Variants in GIMAP5 observed in about 807,000 individuals in gnomAD.
GIMAP5 encodes GTPase IMAP family member 5.
In GIMAP5, 8 loss-of-function variants were observed where a neutral mutation model predicts 9.9. The ratio of observed to expected loss-of-function variants is 0.81; its 90% confidence interval spans 0.47 to 1.45. The LOEUF (loss-of-function observed/expected upper bound fraction) is 1.45. Ranked by LOEUF, GIMAP5 falls within the 40% of genes most tolerant of loss-of-function variation. The pLI, the probability that GIMAP5 is intolerant of heterozygous loss-of-function variation, is 0.00. For missense variants in GIMAP5, 353 were observed against 367.4 expected, an observed-to-expected ratio of 0.96 and a Z score of 0.32; for synonymous variants, 174 against 151.4, an observed-to-expected ratio of 1.15 and a Z score of -1.09.
intron 1 of GIMAP5, chr7:150,739,203 G>T (rs1225510568): frequency 1.3e-5 from 2 of 152,226 alleles, no homozygotes; most frequent in Non-Finnish European, 2.9e-5. Flanking sequence ...TGACCAGGGA[G>T]TGGCAGCATT....
In GIMAP5 at chr7:150,743,009, G is replaced by T; in HGVS notation, c.870G>T (p.Leu290Phe). 6.2e-7 allele frequency: 1 copy of T among 1,613,434 alleles called. No individual in the cohort carries two copies. Among genetic ancestry groups the T allele is most frequent in the Non-Finnish European group, 8.5e-7 (1 of 1,179,478 alleles). The change falls in exon 3 of 3, where the codon TTG becomes TTT. Residue 290 changes from leucine to phenylalanine, a missense_variant. Transcript: ENST00000358647. ...ATTATGAGATTTTTGTTTTTCTATT[G>T]TTGTGCAGCATACTTTTTTTCATTA... ...LLHYEIFVFL[L>F]LCSILFFIIF...
chr7:150,737,567 C>T lies in GIMAP5; in HGVS notation c.-148C>T. On this transcript the variant is annotated 5_prime_UTR_variant, in exon 1 of 3. Coordinates refer to ENST00000358647, the MANE Select transcript of GIMAP5 (RefSeq NM_018384.5). ...TCCTTAACTGCGTCTGCTCAACCTCCCTCAGCCCTGTGAACAGCATCCCCG... is the reference window on the plus strand; with the variant it reads ...TCCTTAACTGCGTCTGCTCAACCTCTCTCAGCCCTGTGAACAGCATCCCCG... 1 of 1,535,710 alleles carries T rather than the reference C, an allele frequency of 6.5e-7. No individual in the cohort carries two copies. The highest frequency in any genetic ancestry group is 8.7e-7 in the Non-Finnish European group (1 of 1,146,904).
At chr7:150,737,885 G>A in intron 1 of GIMAP5, 177 bp downstream of exon 1, 1 of 612,560 alleles carries the variant, frequency 1.6e-6, no homozygotes, top group Non-Finnish European at 2.9e-6. Flanking sequence ...TGCACAGCTG[G>A]TGGAGCACAG....
chr7:150,742,390 C>T lies in GIMAP5; in HGVS notation c.251C>T (p.Pro84Leu), dbSNP rs1466308636. ...NGRKVLVVDTPSIFESQADTQ... is the reference protein window; with the variant it reads ...NGRKVLVVDTLSIFESQADTQ... ...AGGAAAGTCCTGGTGGTTGACACGC[C>T]CTCCATCTTTGAGTCACAGGCCGAT... Residue 84 changes from proline to leucine, a missense_variant, in exon 3 of 3, where the codon CCC becomes CTC. Physicochemically the swap from Pro to Leu is moderately conservative, Grantham distance 98. Coordinates refer to ENST00000358647, the MANE Select transcript of GIMAP5 (RefSeq NM_018384.5). 2 of 1,614,058 alleles carry T rather than the reference C, an allele frequency of 1.2e-6. No individual in the cohort carries two copies. The highest frequency in any genetic ancestry group is 8.5e-7 in the Non-Finnish European group (1 of 1,179,990).
Position 150,742,573 on chromosome 7 carries a change from ATG to A in GIMAP5, c.437_438del (p.Val146GlyfsTer17). On this transcript the variant is annotated frameshift_variant, in exon 3 of 3. Coordinates refer to ENST00000358647, the MANE Select transcript of GIMAP5 (RefSeq NM_018384.5). LOFTEE classifies it low-confidence loss of function (END_TRUNC). The stretch of plus-strand genomic sequence containing the variant: ...GTCTTTGGGACAGGGGCCATGAGAC[ATG>A]TGGTCATCCTCTTCACCCACAAAGA... 6.2e-7 allele frequency: 1 copy of A among 1,614,204 alleles called. No homozygotes were observed. The highest frequency in any genetic ancestry group is 8.5e-7 in the Non-Finnish European group (1 of 1,180,020).
Position 150,742,753 on chromosome 7 carries a change from C to A in GIMAP5, c.614C>A (p.Ala205Asp), listed in dbSNP as rs552913796. The A allele has an allele frequency of 6.2e-7, 1 of 1,614,162 alleles. No homozygotes were observed. Among genetic ancestry groups the A allele is most frequent in the African/African-American group, 1.3e-5 (1 of 75,036 alleles). ...AGGCAGCAGCAGGCAGAGCTCCTGG[C>A]TGTGATTGAGAGGCTGGGGAGGGAG... ...EQRQQQAELL[A>D]VIERLGRERE... Residue 205 changes from alanine (A) to aspartate (D), a missense_variant, in exon 3 of 3, where the codon GCT becomes GAT. Ala to Asp is a moderately radical substitution (Grantham distance 126). Transcript: ENST00000358647.
chr7:150,742,558 C>A lies in GIMAP5; in HGVS notation c.419C>A (p.Thr140Lys), dbSNP rs765713700. ...AGGAAGGTGAAAGAGGTCTTTGGGA[C>A]AGGGGCCATGAGACATGTGGTCATC... ...AIRKVKEVFG[T>K]GAMRHVVILF... Residue 140 changes from threonine (T) to lysine (K), a missense_variant, in exon 3 of 3, where the codon ACA becomes AAA. By Grantham distance (78) the Thr-to-Lys change is moderately conservative. Coordinates refer to ENST00000358647, the MANE Select transcript of GIMAP5 (RefSeq NM_018384.5). The A allele has an allele frequency of 8.1e-6, 13 of 1,614,038 alleles. No homozygotes were observed. The highest frequency in any genetic ancestry group is 1.0e-5 in the Non-Finnish European group (12 of 1,180,040).
Position 150,742,778 on chromosome 7 carries a change from G to A in GIMAP5, c.639G>A (p.Glu213=). 2.5e-6 allele frequency: 4 copies of A among 1,614,152 alleles called. No homozygotes were observed. Among genetic ancestry groups the A allele is most frequent in the Non-Finnish European group, 3.4e-6 (4 of 1,180,032 alleles). The change falls in exon 3 of 3, where the codon GAG becomes GAA. Residue 213 remains glutamate (E), a synonymous_variant. Coordinates refer to ENST00000358647, the MANE Select transcript of GIMAP5 (RefSeq NM_018384.5). The stretch of plus-strand genomic sequence containing the variant: ...CTGTGATTGAGAGGCTGGGGAGGGA[G>A]CGAGAGGGCTCCTTCCACAGCAATG... The part of the protein sequence containing the change: ...LLAVIERLGR[E]REGSFHSNDL...
chr7:150,739,787 T>C (rs1797567968), intron 1 of GIMAP5: 1 of 152,096 alleles, frequency 6.6e-6, no homozygotes, highest in African/African-American at 2.4e-5. Context: ...GAAGCTGTCT[T>C]AATACATTCT....
In GIMAP5 at chr7:150,742,766, G is replaced by A. The variant is rs1478660961; in HGVS notation, c.627G>A (p.Arg209=). 2 of 1,614,170 alleles carry A rather than the reference G, an allele frequency of 1.2e-6. No individual in the cohort carries two copies. The highest frequency in any genetic ancestry group is 1.7e-6 in the Non-Finnish European group (2 of 1,180,034). The change falls in exon 3 of 3, where the codon AGG becomes AGA. Residue 209 remains arginine, a synonymous_variant. Coordinates refer to ENST00000358647, the MANE Select transcript of GIMAP5 (RefSeq NM_018384.5). ...QQAELLAVIE[R]LGREREGSFH... ...CAGAGCTCCTGGCTGTGATTGAGAG[G>A]CTGGGGAGGGAGCGAGAGGGCTCCT...
In GIMAP5 at chr7:150,737,444, G is replaced by C; in HGVS notation, c.-271G>C. ...ATCAGTTTCCAGCCAACACCAGGGT[G>C]TCCTAGTCCGCAGAGGTGTGGGGGA... On this transcript the variant is annotated 5_prime_UTR_variant, in exon 1 of 3. Transcript: ENST00000358647. 1 of 1,328,416 alleles carries C rather than the reference G, an allele frequency of 7.5e-7. No individual in the cohort carries two copies. The highest frequency in any genetic ancestry group is 1.0e-6 in the Non-Finnish European group (1 of 961,056). 82.3% of individuals were successfully genotyped at this position (1,328,416 alleles called of 1,614,324 possible).
Position 150,742,527 on chromosome 7 carries a change from G to A in GIMAP5, c.388G>A (p.Ala130Thr). The change falls in exon 3 of 3, where the codon GCC becomes ACC. Residue 130 changes from alanine (A) to threonine (T), a missense_variant. By Grantham distance (58) the Ala-to-Thr change is moderately conservative (BLOSUM62 0). Coordinates refer to ENST00000358647, the MANE Select transcript of GIMAP5 (RefSeq NM_018384.5). ...GCGTTTCACTGCTCAGGACACAGTG[G>A]CCATCAGGAAGGTGAAAGAGGTCTT... Reference protein sequence around the residue: ...LGRFTAQDTVAIRKVKEVFGT... With the variant: ...LGRFTAQDTVTIRKVKEVFGT... 4.3e-6 allele frequency: 7 copies of A among 1,614,194 alleles called. No homozygotes were observed. The highest frequency in any genetic ancestry group is 5.9e-6 in the Non-Finnish European group (7 of 1,180,026).
intron 2 of GIMAP5, among the ~76,000 whole-genome samples, chr7:150,741,637 T>C (rs1441974457): frequency 6.6e-6 from 1 of 152,170 alleles, no homozygotes; most frequent in East Asian, 1.9e-4. Context: ...AACATTTCAC[T>C]CCCTATCCAG....
rs1190454907 is a variant in GIMAP5, at chr7:150,742,758, A to G, written c.619A>G (p.Ile207Val). The part of the protein sequence containing the change: ...RQQQAELLAV[I>V]ERLGREREGS... ...GCAGCAGGCAGAGCTCCTGGCTGTG[A>G]TTGAGAGGCTGGGGAGGGAGCGAGA... is the stretch of plus-strand genomic sequence containing the variant. The change falls in exon 3 of 3, where the codon ATT becomes GTT. Residue 207 changes from isoleucine (I) to valine (V), a missense_variant. Ile to Val is a conservative substitution (Grantham distance 29). Transcript: ENST00000358647. The G allele has an allele frequency of 5.6e-6, 9 of 1,614,024 alleles. No homozygotes were observed. The highest frequency in any genetic ancestry group is 4.5e-5 in the East Asian group (2 of 44,884).
rs368122062 is a variant in GIMAP5, at chr7:150,743,019, A to G, written c.880A>G (p.Ile294Val). 33 of 1,611,882 alleles carry G rather than the reference A, an allele frequency of 2.0e-5. No individual in the cohort carries two copies. Among genetic ancestry groups the G allele is most frequent in the Non-Finnish European group, 2.7e-5 (32 of 1,178,606 alleles). ...TTTTGTTTTTCTATTGTTGTGCAGC[A>G]TACTTTTTTTCATTATTTTTCTGTT... ...EIFVFLLLCS[I>V]LFFIIFLFIF... The change falls in exon 3 of 3, where the codon ATA becomes GTA. Residue 294 changes from isoleucine (I) to valine (V), a missense_variant. Transcript: ENST00000358647.
Position 150,740,904 on chromosome 7 carries a change from G to A in GIMAP5, c.20G>A (p.Gly7Asp), listed in dbSNP as rs778170543. MGGFQR[G>D]KYGTMAEGRS... is the part of the protein sequence containing the mutation. ...GAGAGAATGGGAGGATTCCAGAGGGGCAAATATGGAACTATGGCTGAAGGT... is the reference window on the plus strand; with the variant it reads ...GAGAGAATGGGAGGATTCCAGAGGGACAAATATGGAACTATGGCTGAAGGT... The change falls in exon 2 of 3, where the codon GGC (glycine) becomes GAC (aspartate). Residue 7 changes from glycine (G) to aspartate (D), a missense_variant. Transcript: ENST00000358647. The A allele has an allele frequency of 1.1e-5, 18 of 1,613,886 alleles. No homozygotes were observed. The Admixed American group carries it at 2.0e-4, about 18-fold the overall frequency.
Position 150,742,491 on chromosome 7 carries a change from A to G in GIMAP5, c.352A>G (p.Ile118Val), listed in dbSNP as rs765707928. ...GGGGCCCCACGTCCTGCTTCTGGTGATCCAGCTGGGGCGTTTCACTGCTCA... is the reference window on the plus strand; with the variant it reads ...GGGGCCCCACGTCCTGCTTCTGGTGGTCCAGCTGGGGCGTTTCACTGCTCA... ...APGPHVLLLV[I>V]QLGRFTAQDT... The change falls in exon 3 of 3, where the codon ATC becomes GTC. Residue 118 changes from isoleucine (I) to valine (V), a missense_variant. By Grantham distance (29) the Ile-to-Val change is conservative. Coordinates refer to ENST00000358647, the MANE Select transcript of GIMAP5 (RefSeq NM_018384.5). 3 of 1,614,146 alleles carry G rather than the reference A, an allele frequency of 1.9e-6. No homozygotes were observed. Among genetic ancestry groups the G allele is most frequent in the Non-Finnish European group, 2.5e-6 (3 of 1,180,028 alleles).
intron 1 of GIMAP5, chr7:150,739,476 T>C (rs1797563428): frequency 6.6e-6 from 1 of 152,216 alleles, no homozygotes. Context: ...ATAAATGTAT[T>C]CACAGAGGCT....
chr7:150,740,955 C>T (rs74162069), intron 2 of GIMAP5, 28 bp downstream of exon 2: 55 of 1,611,760 alleles, frequency 3.4e-5, no homozygotes, highest in Non-Finnish European at 4.4e-5. Flanking sequence ...TTCTCAAGAG[C>T]CCCAGACACT....
Sources: allele counts gnomAD v4.1 joint callset (sites outside exome capture counted in the v4.1 genomes callset), GRCh38; gene constraint gnomAD v4.1.1; transcripts MANE v1.5; gene names NCBI Gene and HGNC (gene_info 2026-07-23, HGNC 2026-07-21).